SLC24A3: variants seen among roughly 807,000 people sequenced by gnomAD.
SLC24A3 encodes solute carrier family 24 member 3.
In SLC24A3, 28 loss-of-function variants were observed where a neutral mutation model predicts 75.8. That is an observed-to-expected ratio of 0.37 (90% confidence interval 0.27 to 0.51). SLC24A3 has a LOEUF of 0.51. Among genes scored for constraint, SLC24A3 ranks in the 20% least tolerant of loss-of-function variants. The probability of loss-of-function intolerance (pLI) is 0.94; values close to 1 mark genes in which losing one functional copy is unlikely to be tolerated. For missense variants in SLC24A3, 663 were observed against 847.8 expected, an observed-to-expected ratio of 0.78 and a Z score of 2.71; for synonymous variants, 372 against 334.1, an observed-to-expected ratio of 1.11 and a Z score of -1.24.
intron 2 of SLC24A3, among the ~76,000 whole-genome samples, chr20:19,505,491 A>C (rs939273067): frequency 2.0e-5 from 3 of 152,238 alleles, no homozygotes; most frequent in African/African-American, 7.2e-5. Context: ...AAGTAGTCCC[A>C]GAAACAAACT....
chr20:19,587,958 C>G (rs189263435), intron 6 of SLC24A3, among the ~76,000 whole-genome samples: 2 of 152,308 alleles, frequency 1.3e-5, no homozygotes. Flanking sequence ...ATTTGACCAA[C>G]TCATTGATGG....
intron 1 of SLC24A3, among the ~76,000 whole-genome samples, chr20:19,252,058 A>G (rs964038995): frequency 2.0e-5 from 3 of 152,170 alleles, no homozygotes; most frequent in Non-Finnish European, 4.4e-5. Flanking sequence ...CAGTGGTTGC[A>G]GCCCAGCAGC....
chr20:19,529,307 A>G (rs1352058714), intron 3 of SLC24A3, among the ~76,000 whole-genome samples: 1 of 152,176 alleles, frequency 6.6e-6, no homozygotes, highest in Non-Finnish European at 1.5e-5. Flanking sequence ...GTTTTAGAAG[A>G]CAAAATTATT....
intron 8 of SLC24A3, among the ~76,000 whole-genome samples, chr20:19,666,257 A>C (rs2032397879): frequency 6.6e-6 from 1 of 152,302 alleles, no homozygotes; most frequent in Admixed American, 6.5e-5. Context: ...CTGTAATCCC[A>C]GCACTTTGAG....
chr20:19,720,051 CACT>C (rs1482288099), intron 16 of SLC24A3, among the ~76,000 whole-genome samples: 12 of 69,958 alleles, frequency 1.7e-4, no homozygotes, highest in Non-Finnish European at 3.1e-4. Context: ...GGATGAGTGA[CACT>C]AAGATAAGAC....
At chr20:19,708,762 G>A (rs1233199906) in intron 15 of SLC24A3, among the ~76,000 whole-genome samples, 2 of 152,198 alleles carry the variant, frequency 1.3e-5, no homozygotes, top group African/African-American at 2.4e-5. Flanking sequence ...GGCTTCTCAA[G>A]GTTATTCAAA....
intron 2 of SLC24A3, among the ~76,000 whole-genome samples, chr20:19,514,136 A>G (rs1262703317): frequency 6.6e-6 from 1 of 152,214 alleles, no homozygotes; most frequent in Non-Finnish European, 1.5e-5. Flanking sequence ...CTTTTCAAGC[A>G]GTGACCGATG....
chr20:19,698,310 T>C (rs1038831011), intron 14 of SLC24A3, among the ~76,000 whole-genome samples: 26 of 152,218 alleles, frequency 1.7e-4, no homozygotes. Flanking sequence ...ACAAAGCCTA[T>C]CACTGTATTT....
chr20:19,492,863 C>T (rs1485808958), intron 2 of SLC24A3, among the ~76,000 whole-genome samples: 1 of 152,098 alleles, frequency 6.6e-6, no homozygotes, highest in African/African-American at 2.4e-5. Flanking sequence ...GGAAGCACAC[C>T]AAGCACCTTC....
chr20:19,653,968 G>GGCCTGGACAGGAA, intron 6 of SLC24A3, 94 bp from the exon 7 acceptor site: 1 of 984,448 alleles, frequency 1.0e-6, no homozygotes, highest in Non-Finnish European at 1.6e-6. Context: ...CAGGACAGGA[G>GGCCTGGACAGGAA]GCCTAGACAG....
intron 2 of SLC24A3, among the ~76,000 whole-genome samples, chr20:19,386,180 A>C (rs1986269425): frequency 6.6e-6 from 1 of 152,154 alleles, no homozygotes; most frequent in African/African-American, 2.4e-5. Context: ...GTGCTACTGT[A>C]AATATTATAA....
At chr20:19,216,149 T>C (rs1478926564) in intron 1 of SLC24A3, among the ~76,000 whole-genome samples, 1 of 152,228 alleles carries the variant, frequency 6.6e-6, no homozygotes, top group Non-Finnish European at 1.5e-5. Context: ...TCATTTTTGA[T>C]CTCTGTTTTC....
At chr20:19,678,830 G>A (rs1379920849) in intron 9 of SLC24A3, among the ~76,000 whole-genome samples, 4 of 151,530 alleles carry the variant, frequency 2.6e-5, no homozygotes, top group Non-Finnish European at 5.9e-5. Context: ...CTCAGATGGG[G>A]CGGCTGGGCA....
chr20:19,352,392 G>A (rs544099260), intron 2 of SLC24A3, among the ~76,000 whole-genome samples: 5 of 152,234 alleles, frequency 3.3e-5, no homozygotes, highest in Admixed American at 6.5e-5. Context: ...CAGCACCAAC[G>A]GCAGCAACTA....
intron 1 of SLC24A3, among the ~76,000 whole-genome samples, chr20:19,272,137 G>T (rs111390400): frequency 0.012 from 1,818 of 152,332 alleles, 32 homozygotes; most frequent in African/African-American, 0.04. Flanking sequence ...CCCAGCCACT[G>T]GGGGTGGAAA....
At chr20:19,333,483 G>A (rs560254458) in intron 2 of SLC24A3, among the ~76,000 whole-genome samples, 1 of 152,146 alleles carries the variant, frequency 6.6e-6, no homozygotes, top group African/African-American at 2.4e-5. Context: ...GAAGGGAATT[G>A]TTTCACCAAA....
At chr20:19,222,121 T>G (rs1260919480) in intron 1 of SLC24A3, among the ~76,000 whole-genome samples, 1 of 152,220 alleles carries the variant, frequency 6.6e-6, no homozygotes, top group Non-Finnish European at 1.5e-5. Flanking sequence ...TGCTGTCATA[T>G]TTTTAATTTC....
chr20:19,489,611 G>A (rs1988177043), intron 2 of SLC24A3, among the ~76,000 whole-genome samples: 1 of 152,054 alleles, frequency 6.6e-6, no homozygotes, highest in Non-Finnish European at 1.5e-5. Context: ...AGGGCCTTTG[G>A]GACATTCCAG....
At chr20:19,494,496 G>A (rs1988253496) in intron 2 of SLC24A3, among the ~76,000 whole-genome samples, 1 of 152,120 alleles carries the variant, frequency 6.6e-6, no homozygotes, top group Non-Finnish European at 1.5e-5. Context: ...AACCCTTCTA[G>A]AATCCTTCTT....
Sources: gnomAD v4.1 joint callset for allele counts (sites outside exome capture counted in the v4.1 genomes callset) on GRCh38, gnomAD v4.1.1 for gene constraint, MANE v1.5 for transcripts, NCBI Gene and HGNC (gene_info 2026-07-23, HGNC 2026-07-21) for gene names.